NEK10: variants seen among roughly 807,000 people sequenced by gnomAD.
The protein encoded by NEK10 is serine/threonine-protein kinase Nek10.
In NEK10, 122 loss-of-function variants were observed where a neutral mutation model predicts 159.8. That is an observed-to-expected ratio of 0.76 (90% CI 0.66 to 0.89). The LOEUF (loss-of-function observed/expected upper bound fraction) is 0.89, where lower values mean the gene tolerates loss of function less well. Among genes scored for constraint, NEK10 ranks in the 40% least tolerant of loss-of-function variants. NEK10 has a pLI of 0.00. For synonymous variants in NEK10, 466 were observed against 457.1 expected (o/e 1.02, Z -0.25); for missense variants, 1,342 against 1,323.1 (o/e 1.01, Z -0.22).
At chr3:27,198,854 G>A (rs1050881514) in intron 25 of NEK10, among the ~76,000 whole-genome samples, 10 of 151,642 alleles carry the variant, frequency 6.6e-5, no homozygotes, top group Non-Finnish European at 1.5e-4. Context: ...TGTAGATCAT[G>A]AGGTCAGGAG....
intron 3 of NEK10, among the ~76,000 whole-genome samples, chr3:27,351,429 A>G (rs920743202): frequency 8.5e-5 from 13 of 152,308 alleles, no homozygotes; most frequent in African/African-American, 3.1e-4. Flanking sequence ...GACTTCACCA[A>G]TTAGGAGGCT....
intron 32 of NEK10, among the ~76,000 whole-genome samples, chr3:27,126,294 G>A (rs552720606): frequency 1.3e-5 from 2 of 152,226 alleles, no homozygotes; most frequent in Admixed American, 6.5e-5. Flanking sequence ...AAGCAATCTG[G>A]GTAATAACAC....
In NEK10 at chr3:27,314,247, G is replaced by A. The variant is rs771411507; in HGVS notation, c.489+50C>T. On this transcript the variant is annotated intron_variant, in intron 7 of 35. Coordinates refer to ENST00000691995, the MANE Select transcript of NEK10 (RefSeq NM_001394966.1). ...CATACCCTTTTAATTCTTGCTCATA[G>A]CAGGCACAAAATGAAAAGGCAAGAC... 7 of 1,362,958 alleles carry A rather than the reference G, an allele frequency of 5.1e-6. No individual in the cohort carries two copies. The South Asian group carries it at 8.6e-5, about 17-fold the overall frequency. 84.4% of individuals were successfully genotyped at this position (1,362,958 alleles called of 1,614,324 possible).
At chr3:27,183,017 T>C (rs1197798351) in intron 26 of NEK10, among the ~76,000 whole-genome samples, 2 of 151,982 alleles carry the variant, frequency 1.3e-5, no homozygotes, top group African/African-American at 2.4e-5. Context: ...GGTAGCAAAA[T>C]AGGGTGGCTA....
chr3:27,268,244 G>A (rs553959820), intron 22 of NEK10, among the ~76,000 whole-genome samples: 1 of 152,324 alleles, frequency 6.6e-6, no homozygotes, highest in Admixed American at 6.5e-5. Flanking sequence ...TAGAAGCTAT[G>A]GCAAGTTATC....
chr3:27,140,876 G>A (rs906439449), intron 31 of NEK10, among the ~76,000 whole-genome samples: 13 of 152,142 alleles, frequency 8.5e-5, no homozygotes, highest in African/African-American at 3.1e-4. Flanking sequence ...TGACTTTCAT[G>A]TCCAAAGGTC....
At chr3:27,181,149 G>T (rs1948060622) in intron 26 of NEK10, among the ~76,000 whole-genome samples, 1 of 151,788 alleles carries the variant, frequency 6.6e-6, no homozygotes. Context: ...GGGAGTGAGG[G>T]GCACCAATAC....
intron 5 of NEK10, among the ~76,000 whole-genome samples, chr3:27,343,165 T>C (rs968588726): frequency 6.6e-6 from 1 of 152,200 alleles, no homozygotes; most frequent in African/African-American, 2.4e-5. Flanking sequence ...CTCAATTCTG[T>C]ATTGTTTTAA....
chr3:27,309,795 A>G (rs1445112), intron 9 of NEK10: 39,034 of 152,126 alleles, frequency 0.26, 5,176 homozygotes, highest in Middle Eastern at 0.37. Flanking sequence ...TTGCCAAACT[A>G]AACAAGATAT....
chr3:27,207,278 T>C (rs1483989926), intron 23 of NEK10, among the ~76,000 whole-genome samples: 2 of 152,152 alleles, frequency 1.3e-5, no homozygotes, highest in African/African-American at 4.8e-5. Context: ...AACTAGCTTA[T>C]TTTCACCACT....
At chr3:27,329,633 C>T (rs2046258777) in intron 5 of NEK10, among the ~76,000 whole-genome samples, 1 of 152,194 alleles carries the variant, frequency 6.6e-6, no homozygotes, top group Non-Finnish European at 1.5e-5. Context: ...CTATTGACAG[C>T]CAAGTGAATG....
At chr3:27,339,687 G>C (rs985606321) in intron 5 of NEK10, among the ~76,000 whole-genome samples, 3 of 151,176 alleles carry the variant, frequency 2.0e-5, no homozygotes, top group African/African-American at 7.3e-5. Flanking sequence ...GCTAAGGCAG[G>C]AGAATTGCTT....
chr3:27,283,782 T>A (rs956987066), intron 22 of NEK10, among the ~76,000 whole-genome samples: 21 of 152,240 alleles, frequency 1.4e-4, no homozygotes, highest in Admixed American at 1.3e-4. Flanking sequence ...AAACTCTATG[T>A]TGAAATATAC....
At chr3:27,172,958 A>G (rs1947152896) in intron 28 of NEK10, among the ~76,000 whole-genome samples, 1 of 152,190 alleles carries the variant, frequency 6.6e-6, no homozygotes, top group African/African-American at 2.4e-5. Flanking sequence ...CCATTGTAGC[A>G]TGAAAGCAGT....
chr3:27,142,446 C>T (rs1013002033), intron 30 of NEK10, among the ~76,000 whole-genome samples: 1 of 151,738 alleles, frequency 6.6e-6, no homozygotes, highest in Non-Finnish European at 1.5e-5. Flanking sequence ...TTTCTCTTTC[C>T]TTTCCTCCCC....
intron 23 of NEK10, among the ~76,000 whole-genome samples, chr3:27,206,273 C>A (rs946279112): frequency 1.3e-5 from 2 of 152,178 alleles, no homozygotes; most frequent in Non-Finnish European, 2.9e-5. Context: ...ACTAGTCACT[C>A]TTCTACCTGC....
intron 1 of NEK10, among the ~76,000 whole-genome samples, chr3:27,361,621 A>G (rs2048691732): frequency 6.6e-6 from 1 of 152,178 alleles, no homozygotes; most frequent in South Asian, 2.1e-4. Context: ...ACAACACTGA[A>G]TAAGACATGG....
intron 32 of NEK10, among the ~76,000 whole-genome samples, chr3:27,120,636 G>T (rs906178819): frequency 1.3e-5 from 2 of 151,866 alleles, no homozygotes; most frequent in Middle Eastern, 3.2e-3. Flanking sequence ...GGCCAAATAA[G>T]TTTCTTAATA....
chr3:27,287,816 G>T lies in NEK10; in HGVS notation c.1744-73C>A. 4 of 1,391,092 alleles carry T rather than the reference G, an allele frequency of 2.9e-6. No homozygotes were observed. The South Asian group carries it at 4.7e-5, about 16-fold the overall frequency. 86.2% of individuals were successfully genotyped at this position (1,391,092 alleles called of 1,614,324 possible). On this transcript the variant is annotated intron_variant, in intron 19 of 35. Transcript: ENST00000691995. ...AAGTTTTTTCACTGACTACTTAGTT[G>T]GACTTCATATTTGAAAACTACAAAG...
Sources: gnomAD v4.1 joint callset for allele counts (sites outside exome capture counted in the v4.1 genomes callset) on GRCh38, gnomAD v4.1.1 for gene constraint, MANE v1.5 for transcripts, NCBI Gene and HGNC (gene_info 2026-07-23, HGNC 2026-07-21) for gene names.